The following ROBO1 variants were observed in gnomAD, a reference collection of about 807,000 sequenced individuals.
ROBO1 encodes the protein roundabout homolog 1.
In ROBO1, 149 loss-of-function variants were observed where a neutral mutation model predicts 195.9. That is an observed-to-expected ratio of 0.76 (90% CI 0.67 to 0.87). The LOEUF (loss-of-function observed/expected upper bound fraction) is 0.87, where lower values mean the gene tolerates loss of function less well. ROBO1 is among the 40% of genes least tolerant of loss of function. ROBO1 has a pLI of 0.00. For synonymous variants in ROBO1, 816 were observed against 733.2 expected, an observed-to-expected ratio of 1.11 and a Z score of -1.82; for missense variants, 1,933 against 2,068.3, an observed-to-expected ratio of 0.93 and a Z score of 1.27.
intron 22 of ROBO1, among the ~76,000 whole-genome samples, chr3:78,639,142 G>A (rs1195350845): frequency 6.6e-6 from 1 of 151,650 alleles, no homozygotes; most frequent in Non-Finnish European, 1.5e-5. Context: ...TGAGACTCTT[G>A]TCAAAAAAAT....
chr3:79,144,169 A>G (rs1175673878), intron 2 of ROBO1, among the ~76,000 whole-genome samples: 5 of 152,074 alleles, frequency 3.3e-5, no homozygotes, highest in African/African-American at 4.8e-5. Flanking sequence ...AAATATGTAC[A>G]GTTTTAGTAT....
intron 1 of ROBO1, among the ~76,000 whole-genome samples, chr3:79,753,364 G>C (rs1704223486): frequency 6.6e-6 from 1 of 151,944 alleles, no homozygotes; most frequent in South Asian, 2.1e-4. Context: ...TGATCTATTT[G>C]CAAGAAGTCT....
chr3:79,552,762 T>C (rs1426642533), intron 2 of ROBO1, among the ~76,000 whole-genome samples: 3 of 152,084 alleles, frequency 2.0e-5, no homozygotes, highest in Non-Finnish European at 4.4e-5. Flanking sequence ...TAGGCTTCAG[T>C]TCCTGCCTGG....
At chr3:79,684,991 C>T (rs1431135682) in intron 1 of ROBO1, among the ~76,000 whole-genome samples, 2 of 152,022 alleles carry the variant, frequency 1.3e-5, no homozygotes, top group Non-Finnish European at 2.9e-5. Context: ...TGTGGCAACT[C>T]TGGAAATCAG....
intron 25 of ROBO1, among the ~76,000 whole-genome samples, chr3:78,629,060 T>TGC (rs1217936192): frequency 6.6e-6 from 1 of 151,826 alleles, no homozygotes; most frequent in African/African-American, 2.4e-5. Flanking sequence ...CTCGAGTATC[T>TGC]GCATAATCTG....
intron 2 of ROBO1, among the ~76,000 whole-genome samples, chr3:79,386,229 G>A (rs1438703028): frequency 2.0e-5 from 3 of 152,040 alleles, no homozygotes; most frequent in African/African-American, 4.8e-5. Context: ...TACTGTGAAC[G>A]TCAGTTCGAT....
chr3:79,699,648 TG>T (rs1167588440), intron 1 of ROBO1, among the ~76,000 whole-genome samples: 1 of 150,552 alleles, frequency 6.6e-6, no homozygotes, highest in East Asian at 1.9e-4. Context: ...TTAAAACGTA[TG>T]TTGTTGTTTT....
At chr3:79,711,803 C>T (rs926893687) in intron 1 of ROBO1, among the ~76,000 whole-genome samples, 1 of 151,892 alleles carries the variant, frequency 6.6e-6, no homozygotes, top group Non-Finnish European at 1.5e-5. Context: ...TATGCGTTCC[C>T]TTCCTGTCTG....
intron 2 of ROBO1, among the ~76,000 whole-genome samples, chr3:79,471,820 C>A (rs986659054): frequency 2.0e-5 from 3 of 151,592 alleles, no homozygotes; most frequent in Admixed American, 6.6e-5. Context: ...TCATTCTCAG[C>A]AAACTGTCAC....
intron 2 of ROBO1, among the ~76,000 whole-genome samples, chr3:79,200,972 A>T (rs911120394): frequency 6.6e-6 from 1 of 151,926 alleles, no homozygotes; most frequent in Non-Finnish European, 1.5e-5. Context: ...TGAATAGGTG[A>T]AATTTTCTTG....
At chr3:79,293,718 A>G (rs2032398981) in intron 2 of ROBO1, among the ~76,000 whole-genome samples, 2 of 152,250 alleles carry the variant, frequency 1.3e-5, no homozygotes, top group East Asian at 1.9e-4. Flanking sequence ...TATAGATTCA[A>G]TGCTATCCCC....
chr3:79,455,394 T>TA (rs1382213073), intron 2 of ROBO1, among the ~76,000 whole-genome samples: 2 of 152,018 alleles, frequency 1.3e-5, no homozygotes, highest in African/African-American at 4.8e-5. Context: ...TGCCTTTTTT[T>TA]AAAAAAAGAA....
chr3:79,687,171 A>G (rs575145103), intron 1 of ROBO1, among the ~76,000 whole-genome samples: 1 of 152,338 alleles, frequency 6.6e-6, no homozygotes, highest in Admixed American at 6.5e-5. Flanking sequence ...CATATGTAGA[A>G]AGCTGAAGCT....
intron 2 of ROBO1, among the ~76,000 whole-genome samples, chr3:79,166,868 T>C (rs2081077129): frequency 6.6e-6 from 1 of 152,210 alleles, no homozygotes; most frequent in Non-Finnish European, 1.5e-5. Flanking sequence ...AGTAAAGGAT[T>C]CATAATATTT....
intron 1 of ROBO1, among the ~76,000 whole-genome samples, chr3:79,687,457 T>G (rs914368019): frequency 2.0e-5 from 3 of 152,022 alleles, no homozygotes; most frequent in Non-Finnish European, 4.4e-5. Context: ...TGGGAGAAAT[T>G]TTTCGCAATG....
chr3:79,545,249 G>A (rs1485284683), intron 2 of ROBO1, among the ~76,000 whole-genome samples: 1 of 152,076 alleles, frequency 6.6e-6, no homozygotes, highest in Non-Finnish European at 1.5e-5. Context: ...TGATGGATGA[G>A]GAGAAAAGTA....
rs144562085 is a variant in ROBO1 at position 79,424,002 on chromosome 3, A to G, written c.88+165822T>C. Reference sequence around the variant, plus strand: ...GACCTTCTAAATGCATGGATTTAGAAGGATTTGTTTCTATAAATATATGAT... The same window carrying G: ...GACCTTCTAAATGCATGGATTTAGAGGGATTTGTTTCTATAAATATATGAT... On this transcript the variant is annotated intron_variant, in intron 2 of 30. Transcript: ENST00000464233. 1.6e-4 allele frequency among the ~76,000 whole-genome samples: 25 copies of G among 152,116 alleles called. No individual in the cohort carries two copies. In the East Asian group the frequency reaches 4.9e-3, roughly 30 times the overall value.
chr3:78,760,095 A>G (rs111974363), intron 4 of ROBO1, among the ~76,000 whole-genome samples: 3 of 152,086 alleles, frequency 2.0e-5, no homozygotes, highest in African/African-American at 7.2e-5. Flanking sequence ...TGACGGTTTT[A>G]TATGGGGAAA....
In ROBO1 at chr3:78,892,097, C is replaced by G. The variant is rs898366931; in HGVS notation, c.499+46504G>C. Among the ~76,000 whole-genome samples the G allele has an allele frequency of 2.6e-5, 4 of 152,304 alleles. No individual in the cohort carries two copies. In the South Asian group the frequency reaches 8.3e-4, roughly 32 times the overall value. ...CTCAATAAAAAATGCGGGCCGTGCACGCCTGTAATCCCAGCACTTTGAGAG... is the reference window on the plus strand; with the variant it reads ...CTCAATAAAAAATGCGGGCCGTGCAGGCCTGTAATCCCAGCACTTTGAGAG... On this transcript the variant is annotated intron_variant, in intron 4 of 30. Coordinates refer to ENST00000464233, the MANE Select transcript of ROBO1 (RefSeq NM_002941.4).
Sources: allele counts gnomAD v4.1 joint callset (sites outside exome capture counted in the v4.1 genomes callset), GRCh38; gene constraint gnomAD v4.1.1; transcripts MANE v1.5; gene names NCBI Gene and HGNC (gene_info 2026-07-23, HGNC 2026-07-21).